Variants in GLI2 observed in about 807,000 individuals in gnomAD.
The protein encoded by GLI2 is GLI family zinc finger 2.
A neutral mutation model predicts 78.9 loss-of-function variants in GLI2; 22 were observed. The observed-to-expected ratio is 0.28, with a 90% confidence interval of 0.20 to 0.40. GLI2 has a LOEUF of 0.40. GLI2 is among the 10% of genes least tolerant of loss of function. GLI2 has a pLI of 1.00. For missense variants in GLI2, 2,097 were observed against 2,213.2 expected, an observed-to-expected ratio of 0.95 and a Z score of 1.05; for synonymous variants, 974 against 963.7, an observed-to-expected ratio of 1.01 and a Z score of -0.20.
intron 2 of GLI2, among the ~76,000 whole-genome samples, chr2:120,815,487 A>T (rs1685450447): frequency 6.6e-6 from 1 of 152,122 alleles, no homozygotes; most frequent in Non-Finnish European, 1.5e-5. Context: ...CGATAGAGGG[A>T]CTGTGCTGCC....
chr2:120,960,606 C>T (rs2104984629), intron 5 of GLI2, among the ~76,000 whole-genome samples: 3 of 152,352 alleles, frequency 2.0e-5, no homozygotes, highest in Middle Eastern at 6.8e-3. Context: ...AACCTAATCC[C>T]TGTCTGAAGA....
intron 3 of GLI2, among the ~76,000 whole-genome samples, chr2:120,936,611 G>A (rs972410150): frequency 3.9e-5 from 6 of 152,200 alleles, no homozygotes; most frequent in African/African-American, 1.4e-4. Flanking sequence ...GGGCTGCAGT[G>A]TGTTGTTTCT....
intron 2 of GLI2, among the ~76,000 whole-genome samples, chr2:120,878,970 T>C (rs1322361185): frequency 1.3e-5 from 2 of 151,860 alleles, no homozygotes; most frequent in Non-Finnish European, 2.9e-5. Context: ...GTCCTCCAGC[T>C]CACCCCTTCT....
chr2:120,821,287 T>A (rs2104748486), intron 2 of GLI2, among the ~76,000 whole-genome samples: 1 of 152,220 alleles, frequency 6.6e-6, no homozygotes, highest in African/African-American at 2.4e-5. Context: ...AAAGGCCTGG[T>A]GTGCGATCTG....
Position 120,989,469 on chromosome 2 carries a change from C to T in GLI2, c.3504C>T (p.Gly1168=), listed in dbSNP as rs371685394. The part of the protein sequence containing the change: ...QQKPAFGQYP[G]YSPQGLQASP... ...AGCCTGCCTTTGGCCAGTACCCGGG[C>T]TACAGTCCGCAAGGCCTACAGGCTA... The change falls in exon 14 of 14, where the codon GGC becomes GGT. Residue 1168 remains glycine (G), a synonymous_variant. Transcript: ENST00000361492. 3 of 1,613,006 alleles carry T rather than the reference C, an allele frequency of 1.9e-6. No homozygotes were observed. The highest frequency in any genetic ancestry group is 2.7e-5 in the African/African-American group (2 of 74,952).
chr2:120,782,604 C>G (rs1374511787), intron 1 of GLI2, among the ~76,000 whole-genome samples: 4 of 152,156 alleles, frequency 2.6e-5, no homozygotes, highest in African/African-American at 9.7e-5. Flanking sequence ...ACCTCCATCC[C>G]TGGGAGGATA....
chr2:120,805,441 C>G (rs1573402942), intron 2 of GLI2, among the ~76,000 whole-genome samples: 1 of 152,262 alleles, frequency 6.6e-6, no homozygotes, highest in African/African-American at 2.4e-5. Flanking sequence ...CTTGGCCATG[C>G]CTGGCCGGCA....
chr2:120,975,467 G>A (rs1682412500), intron 9 of GLI2, among the ~76,000 whole-genome samples: 1 of 152,024 alleles, frequency 6.6e-6, no homozygotes, highest in Non-Finnish European at 1.5e-5. Flanking sequence ...CTAATAGCCA[G>A]TGCAAAGAGG....
chr2:120,872,282 C>A (rs1688503371), intron 2 of GLI2, among the ~76,000 whole-genome samples: 1 of 152,154 alleles, frequency 6.6e-6, no homozygotes, highest in Admixed American at 6.5e-5. Flanking sequence ...GAGACTGGAC[C>A]CAGGTTCTGA....
intron 2 of GLI2, among the ~76,000 whole-genome samples, chr2:120,852,333 AT>A (rs2104612232): frequency 6.6e-6 from 1 of 152,214 alleles, no homozygotes; most frequent in South Asian, 2.1e-4. Flanking sequence ...CCTGAGCTCC[AT>A]TTTCGGGCCA....
At chr2:120,860,274 A>G (rs539173186) in intron 2 of GLI2, among the ~76,000 whole-genome samples, 1 of 152,308 alleles carries the variant, frequency 6.6e-6, no homozygotes, top group South Asian at 2.1e-4. Context: ...GCGTGCCCTG[A>G]GGATGGCTTC....
intron 2 of GLI2, among the ~76,000 whole-genome samples, chr2:120,807,163 G>C (rs1173990147): frequency 6.6e-6 from 1 of 152,146 alleles, no homozygotes; most frequent in Non-Finnish European, 1.5e-5. Context: ...GCCCCCTGGG[G>C]ACGATGCAGG....
intron 10 of GLI2, among the ~76,000 whole-genome samples, chr2:120,979,002 T>TG (rs1682594033): frequency 6.6e-6 from 1 of 152,162 alleles, no homozygotes; most frequent in African/African-American, 2.4e-5. Context: ...AGGGTTTTTT[T>TG]GTTTGTTTGT....
intron 2 of GLI2, among the ~76,000 whole-genome samples, chr2:120,799,549 G>T (rs56379531): frequency 0.022 from 3,303 of 152,298 alleles, 118 homozygotes; most frequent in African/African-American, 0.076. Context: ...CCTGCGTGGC[G>T]CAAAGCAGGG....
chr2:120,888,509 A>G (rs1332940723), intron 2 of GLI2, among the ~76,000 whole-genome samples: 2 of 150,202 alleles, frequency 1.3e-5, no homozygotes, highest in Non-Finnish European at 3.0e-5. Context: ...GACCCTGTGC[A>G]GTGTGATTCA....
intron 1 of GLI2, among the ~76,000 whole-genome samples, chr2:120,784,499 G>T (rs562681927): frequency 8.5e-5 from 13 of 152,228 alleles, no homozygotes; most frequent in Non-Finnish European, 1.8e-4. Flanking sequence ...AAGTGAGGCT[G>T]AGGGGGCAGG....
chr2:120,857,045 G>C (rs943551435), intron 2 of GLI2, among the ~76,000 whole-genome samples: 8 of 152,032 alleles, frequency 5.3e-5, no homozygotes, highest in African/African-American at 1.7e-4. Flanking sequence ...ATCCTTCCAT[G>C]CCTTTTGGCC....
chr2:120,804,425 G>A (rs1294977718), intron 2 of GLI2, among the ~76,000 whole-genome samples: 2 of 152,170 alleles, frequency 1.3e-5, no homozygotes, highest in African/African-American at 4.8e-5. Context: ...TTCCCGGTGG[G>A]CTGGTGTGGT....
intron 2 of GLI2, among the ~76,000 whole-genome samples, chr2:120,798,855 A>G (rs1462080476): frequency 1.3e-5 from 2 of 152,138 alleles, no homozygotes; most frequent in Non-Finnish European, 2.9e-5. Context: ...CTGTGGGGGC[A>G]CCTAAAGCTG....
Sources: gnomAD v4.1 joint callset for allele counts (sites outside exome capture counted in the v4.1 genomes callset) on GRCh38, gnomAD v4.1.1 for gene constraint, MANE v1.5 for transcripts, NCBI Gene and HGNC (gene_info 2026-07-23, HGNC 2026-07-21) for gene names.